Variants in CYSLTR1 observed in about 807,000 individuals in gnomAD.
CYSLTR1 encodes cysteinyl leukotriene receptor 1, also known as G-protein coupled receptor HG55.
A neutral mutation model predicts 2.1 loss-of-function variants in CYSLTR1; 1 was observed. The ratio of observed to expected loss-of-function variants is 0.48; its 90% CI spans 0.17 to 2.28. The LOEUF (loss-of-function observed/expected upper bound fraction) is 2.28. Among genes scored for constraint, CYSLTR1 ranks in the 30% most tolerant of loss-of-function variants. The pLI is 0.26. For missense variants in CYSLTR1, 299 were observed against 250.1 expected (o/e 1.20, Z -1.32); for synonymous variants, 110 against 89.6 (o/e 1.23, Z -1.28).
At chrX:78,307,207 A>T (rs1465319362) in intron 1 of CYSLTR1, among the ~76,000 whole-genome samples, 1 of 111,748 alleles carries the variant, frequency 8.9e-6, no homozygotes, top group African/African-American at 3.3e-5. Flanking sequence ...ATCTCACAAC[A>T]CTGCAATCAA....
chrX:78,314,723 A>C (rs771098948), intron 1 of CYSLTR1, among the ~76,000 whole-genome samples: 19 of 110,331 alleles, frequency 1.7e-4, no homozygotes, highest in Non-Finnish European at 2.7e-4. Context: ...GAGCATTTAA[A>C]CCAGCCTTAG....
intron 1 of CYSLTR1, among the ~76,000 whole-genome samples, chrX:78,288,995 G>C (rs1439301847): frequency 9.1e-6 from 1 of 109,546 alleles, no homozygotes; most frequent in Non-Finnish European, 1.9e-5. Context: ...TTAAGTACTA[G>C]GGTACATGTG....
chrX:78,274,422 C>T (rs1056364804), intron 2 of CYSLTR1, among the ~76,000 whole-genome samples: 1 of 111,273 alleles, frequency 9.0e-6, no homozygotes, highest in African/African-American at 3.3e-5. Flanking sequence ...AGAAATAATA[C>T]CACACATCTA....
At chrX:78,276,853 A>T (rs1921614326) in intron 2 of CYSLTR1, among the ~76,000 whole-genome samples, 1 of 110,764 alleles carries the variant, frequency 9.0e-6, no homozygotes, top group African/African-American at 3.3e-5. Context: ...CTGAAAGGGG[A>T]GGAAGCTGAG....
At chrX:78,326,033 C>A (rs1216041206) in intron 1 of CYSLTR1, among the ~76,000 whole-genome samples, 2 of 111,702 alleles carry the variant, frequency 1.8e-5, no homozygotes, top group Non-Finnish European at 3.8e-5. Context: ...CTACCATTAT[C>A]TGTGTGCTTA....
chrX:78,289,126 C>G (rs1378715035), intron 1 of CYSLTR1, among the ~76,000 whole-genome samples: 2 of 109,336 alleles, frequency 1.8e-5, no homozygotes, highest in African/African-American at 3.3e-5. Flanking sequence ...CCTCCACCCC[C>G]CGACAGGCCC....
chrX:78,319,712 G>T (rs1923565190), intron 1 of CYSLTR1: 1 of 111,918 alleles, frequency 8.9e-6, no homozygotes, highest in South Asian at 3.7e-4. Context: ...TGGTTGGACT[G>T]CTTTACAAAC....
At chrX:78,294,937 CAGGTG>C (rs2147261695) in intron 1 of CYSLTR1, among the ~76,000 whole-genome samples, 1 of 112,731 alleles carries the variant, frequency 8.9e-6, no homozygotes, top group African/African-American at 3.2e-5. Flanking sequence ...TTGCACTTCC[CAGGTG>C]AGGTGACAAC....
At chrX:78,320,817 G>T (rs1433037453) in intron 1 of CYSLTR1, 1 of 111,186 alleles carries the variant, frequency 9.0e-6, no homozygotes, top group African/African-American at 3.3e-5. Flanking sequence ...TCCTTGAAGA[G>T]GTCCTTCACA....
At chrX:78,303,524 G>C (rs1922908289) in intron 1 of CYSLTR1, among the ~76,000 whole-genome samples, 1 of 110,162 alleles carries the variant, frequency 9.1e-6, no homozygotes, top group Non-Finnish European at 1.9e-5. Context: ...TCGAGTCCCT[G>C]GTCATTCAAT....
chrX:78,296,836 A>G (rs1922595568), intron 1 of CYSLTR1, among the ~76,000 whole-genome samples: 2 of 111,737 alleles, frequency 1.8e-5, no homozygotes, highest in South Asian at 3.7e-4. Flanking sequence ...TCATCTGCAA[A>G]CAAGGATAAG....
intron 1 of CYSLTR1, among the ~76,000 whole-genome samples, chrX:78,287,583 A>G (rs1481720874): frequency 8.9e-6 from 1 of 112,093 alleles, no homozygotes; most frequent in Non-Finnish European, 1.9e-5. Flanking sequence ...AAAACGCTGG[A>G]GTTTTTGCTA....
intron 2 of CYSLTR1, among the ~76,000 whole-genome samples, chrX:78,274,466 C>T (rs1349095465): frequency 9.0e-6 from 1 of 111,494 alleles, no homozygotes; most frequent in African/African-American, 3.3e-5. Flanking sequence ...CTGACAAAAG[C>T]AAGAAATGGG....
rs148407953 is a variant in CYSLTR1, at chrX:78,298,517, A to C, written c.-114-14977T>G. Among the ~76,000 whole-genome samples the C allele has an allele frequency of 7.4e-3, 824 of 111,282 alleles. 13 individuals are homozygous for C. The highest frequency in any genetic ancestry group is 0.025 in the African/African-American group (782 of 30,736). On this transcript the variant is annotated intron_variant, in intron 1 of 2. Coordinates refer to ENST00000373304, the MANE Select transcript of CYSLTR1 (RefSeq NM_006639.4). ...TGTACTGGGGCCTATGTCTCTCTTT[A>C]TCTCTAATGATATTTCCTTTATATA...
At chrX:78,318,204 C>T (rs748497318) in intron 1 of CYSLTR1, among the ~76,000 whole-genome samples, 4 of 111,988 alleles carry the variant, frequency 3.6e-5, no homozygotes, top group Non-Finnish European at 7.5e-5. Flanking sequence ...ACTATGCAGA[C>T]ACAAAAAGGA....
intron 1 of CYSLTR1, among the ~76,000 whole-genome samples, chrX:78,288,291 C>T (rs1356245031): frequency 9.0e-6 from 1 of 111,671 alleles, no homozygotes; most frequent in African/African-American, 3.3e-5. Flanking sequence ...CAATTATATA[C>T]TATCGTGCTA....
At chrX:78,293,432 TG>T (rs1266540290) in intron 1 of CYSLTR1, among the ~76,000 whole-genome samples, 1 of 111,750 alleles carries the variant, frequency 8.9e-6, no homozygotes, top group East Asian at 2.8e-4. Flanking sequence ...ATTTCAACTT[TG>T]GTGAATCTGA....
intron 1 of CYSLTR1, among the ~76,000 whole-genome samples, chrX:78,291,128 C>A (rs911324852): frequency 9.0e-6 from 1 of 111,503 alleles, no homozygotes; most frequent in African/African-American, 3.3e-5. Context: ...TGAGATACAT[C>A]CCATCAATAC....
In CYSLTR1 at chrX:78,273,411, G is replaced by C; in HGVS notation, c.336C>G (p.Phe112Leu). ...ALYVNLYCSI[F>L]FMTAMSFFRC... ...GGAAAAAGCTCATGGCTGTCATAAA[G>C]AAGATGCTACAATAGAGGTTGACAT... Residue 112 changes from phenylalanine (F) to leucine (L), a missense_variant, in exon 3 of 3, where the codon TTC (phenylalanine) becomes TTG (leucine). Phe to Leu is a conservative substitution (Grantham distance 22). Transcript: ENST00000373304. 8.3e-7 allele frequency: 1 copy of C among 1,211,443 alleles called. No individual in the cohort carries two copies. Among genetic ancestry groups the C allele is most frequent in the Non-Finnish European group, 1.1e-6 (1 of 895,348 alleles).
Sources: gnomAD v4.1 joint callset for allele counts (sites outside exome capture counted in the v4.1 genomes callset) on GRCh38, gnomAD v4.1.1 for gene constraint, MANE v1.5 for transcripts, NCBI Gene and HGNC (gene_info 2026-07-23, HGNC 2026-07-21) for gene names.